Variants in FBXO34 observed in about 807,000 individuals in gnomAD.
FBXO34 encodes the protein F-box protein 34.
FBXO34 carries 12 observed loss-of-function variants against 24.5 expected under a neutral mutation model. The observed-to-expected ratio is 0.49, with a 90% CI of 0.31 to 0.79. The LOEUF is 0.79. FBXO34 is among the 30% of genes least tolerant of loss of function. The pLI is 0.04. For synonymous variants in FBXO34, 320 were observed against 311.9 expected, an observed-to-expected ratio of 1.03 and a Z score of -0.27; for missense variants, 823 against 857.7, an observed-to-expected ratio of 0.96 and a Z score of 0.51.
chr14:55,414,355 A>T, the FBXO34 span: 1 of 1,549,042 alleles, frequency 6.5e-7, no homozygotes, highest in Non-Finnish European at 8.8e-7. Context: ...AAACCAGAAT[A>T]ATGTGAGATG....
At chr14:55,401,191 A>G in the FBXO34 span, among the ~76,000 whole-genome samples, 2 of 151,914 alleles carry the variant, frequency 1.3e-5, no homozygotes, top group Admixed American at 6.5e-5. Flanking sequence ...AGAAAGTTTG[A>G]ACAACTTTTC....
At chr14:55,329,955 G>A (rs936204442) in intron 1 of FBXO34, among the ~76,000 whole-genome samples, 1 of 151,856 alleles carries the variant, frequency 6.6e-6, no homozygotes, top group Non-Finnish European at 1.5e-5. Context: ...TACTACTGGT[G>A]TTCCTCTTCC....
At chr14:55,405,158 T>G in the FBXO34 span, among the ~76,000 whole-genome samples, 2 of 152,222 alleles carry the variant, frequency 1.3e-5, no homozygotes, top group African/African-American at 4.8e-5. Context: ...TGTAGAGCTT[T>G]TGTTCTGCTG....
At chr14:55,434,735 G>A in the FBXO34 span, among the ~76,000 whole-genome samples, 1 of 152,128 alleles carries the variant, frequency 6.6e-6, no homozygotes, top group Admixed American at 6.5e-5. Context: ...TATTGTATTC[G>A]GGTAACATCG....
intron 1 of FBXO34, among the ~76,000 whole-genome samples, chr14:55,293,181 G>A (rs867633343): frequency 1.3e-4 from 19 of 151,734 alleles, no homozygotes; most frequent in Non-Finnish European, 1.0e-4. Flanking sequence ...CCCCGCACCC[G>A]GCCTTGTTTT....
chr14:55,419,162 C>T, the FBXO34 span, among the ~76,000 whole-genome samples: 1 of 152,216 alleles, frequency 6.6e-6, no homozygotes, highest in Non-Finnish European at 1.5e-5. Flanking sequence ...TGCTGTGGGA[C>T]AGGGTGAGCC....
At position 55,352,169 on chromosome 14, in the gene FBXO34, G is replaced by A. The variant is rs781743849; in HGVS notation, c.1779G>A (p.Lys593=). Residue 593 remains lysine (K), a synonymous_variant, in exon 2 of 2, where the codon AAG becomes AAA. Transcript: ENST00000313833. ...MVKIFRLLPT[K]SLVALKCTCC... ...AAATCTTCAGGTTACTTCCCACCAA[G>A]AGTTTAGTGGCCCTTAAATGTACCT... is the stretch of plus-strand genomic sequence containing the variant. 4.3e-5 allele frequency: 69 copies of A among 1,614,076 alleles called. No homozygotes were observed. Among genetic ancestry groups the A allele is most frequent in the Non-Finnish European group, 5.4e-5 (64 of 1,180,032 alleles).
the FBXO34 span, among the ~76,000 whole-genome samples, chr14:55,407,501 G>A: frequency 1.3e-5 from 2 of 152,192 alleles, no homozygotes; most frequent in Non-Finnish European, 2.9e-5. Context: ...CTGGCCTCAA[G>A]TGATCCGCCT....
intron 1 of FBXO34, among the ~76,000 whole-genome samples, chr14:55,308,079 C>A (rs1449739485): frequency 6.6e-6 from 1 of 152,182 alleles, no homozygotes; most frequent in Non-Finnish European, 1.5e-5. Flanking sequence ...AGCTCTCTTG[C>A]GTGTTGCCGT....
the FBXO34 span, among the ~76,000 whole-genome samples, chr14:55,409,098 G>T: frequency 6.6e-6 from 1 of 152,236 alleles, no homozygotes; most frequent in Non-Finnish European, 1.5e-5. Context: ...AGTCAGGAGA[G>T]AAATGATGGT....
intron 1 of FBXO34, among the ~76,000 whole-genome samples, chr14:55,303,983 C>A (rs939466622): frequency 6.6e-6 from 1 of 152,124 alleles, no homozygotes; most frequent in African/African-American, 2.4e-5. Context: ...TGTTTTGTGT[C>A]CCTTGTAATA....
the FBXO34 span, chr14:55,397,400 T>G: frequency 6.2e-7 from 1 of 1,613,724 alleles, no homozygotes; most frequent in Non-Finnish European, 8.5e-7. Context: ...TGCTTGCTCT[T>G]AAGTCGGCTT....
intron 1 of FBXO34, among the ~76,000 whole-genome samples, chr14:55,313,921 G>A (rs1882838955): frequency 6.6e-6 from 1 of 152,170 alleles, no homozygotes; most frequent in African/African-American, 2.4e-5. Flanking sequence ...GTGTGTGTGT[G>A]AGACAGGGTC....
intron 1 of FBXO34, among the ~76,000 whole-genome samples, chr14:55,340,751 A>G (rs1883964895): frequency 6.6e-6 from 1 of 152,146 alleles, no homozygotes; most frequent in Non-Finnish European, 1.5e-5. Context: ...ATACTCTAGA[A>G]TTAGTAGCTG....
In FBXO34 at chr14:55,322,058, C is replaced by G. The variant is rs567329790; in HGVS notation, c.-10-28323C>G. ...CATCTTTCAGCTGGGCGTGGTGGCT[C>G]ACGCCTGTAATCCCAGCACTTTGGG... On this transcript the variant is annotated intron_variant, in intron 1 of 1. Coordinates refer to ENST00000313833, the MANE Select transcript of FBXO34 (RefSeq NM_017943.4). Among the ~76,000 whole-genome samples, 10 of 152,120 alleles carry G rather than the reference C, an allele frequency of 6.6e-5. No individual in the cohort carries two copies. In the East Asian group the frequency reaches 1.7e-3, roughly 27 times the overall value.
the FBXO34 span, chr14:55,395,087 T>C: frequency 2.0e-6 from 1 of 504,294 alleles, no homozygotes; most frequent in Admixed American, 2.1e-5. Context: ...GTTTGCACTT[T>C]TTTGTCTGAA....
downstream of FBXO34, among the ~76,000 whole-genome samples, chr14:55,365,058 T>TAA (rs563260970): frequency 1.4e-4 from 18 of 124,456 alleles, no homozygotes; most frequent in African/African-American, 4.7e-4. Context: ...ATCTCTACTT[T>TAA]AAAAAAAAAA....
At chr14:55,293,678 T>C (rs1882022896) in intron 1 of FBXO34, among the ~76,000 whole-genome samples, 1 of 152,122 alleles carries the variant, frequency 6.6e-6, no homozygotes, top group Non-Finnish European at 1.5e-5. Context: ...ATGGGCATTG[T>C]GATCAACCTC....
chr14:55,298,391 A>T (rs1011602750), intron 1 of FBXO34, among the ~76,000 whole-genome samples: 8 of 145,654 alleles, frequency 5.5e-5, no homozygotes, highest in African/African-American at 2.0e-4. Flanking sequence ...TTTTTTTTTT[A>T]CCCTCCTGGA....
Sources: allele counts gnomAD v4.1 joint callset (sites outside exome capture counted in the v4.1 genomes callset), GRCh38; gene constraint gnomAD v4.1.1; transcripts MANE v1.5; gene names NCBI Gene and HGNC (gene_info 2026-07-23, HGNC 2026-07-21).